ETFA: variants seen among roughly 807,000 people sequenced by gnomAD.
ETFA encodes the protein electron transfer flavoprotein subunit alpha, mitochondrial.
Under a neutral mutation model 46.2 loss-of-function variants are expected in ETFA, and 22 were observed. The observed-to-expected ratio is 0.48, with a 90% confidence interval of 0.34 to 0.68. The LOEUF is 0.68. Ranked by LOEUF, ETFA falls within the 30% of genes least tolerant of loss-of-function variation. The pLI is 0.01. For synonymous variants in ETFA, 131 were observed against 139.9 expected (o/e 0.94, Z 0.45); for missense variants, 345 against 401.1 (o/e 0.86, Z 1.19).
intron 9 of ETFA, among the ~76,000 whole-genome samples, chr15:76,258,418 G>T (rs1248505548): frequency 1.3e-5 from 2 of 152,094 alleles, no homozygotes; most frequent in African/African-American, 4.8e-5. Flanking sequence ...ACTTCTCCTG[G>T]CCTAGACAGG....
chr15:76,302,573 A>G (rs2039890580), intron 1 of ETFA, among the ~76,000 whole-genome samples: 1 of 147,788 alleles, frequency 6.8e-6, no homozygotes, highest in African/African-American at 2.6e-5. Flanking sequence ...CAGTGAAACT[A>G]TTCTGTATGA....
intron 9 of ETFA, among the ~76,000 whole-genome samples, chr15:76,247,678 C>A (rs145750217): frequency 6.6e-6 from 1 of 152,142 alleles, no homozygotes; most frequent in Admixed American, 6.5e-5. Context: ...TTTCTCATTG[C>A]TTATTTACAT....
Position 76,271,943 on chromosome 15 carries a change from T to C in ETFA, c.816+2469A>G, listed in dbSNP as rs539717218. ...CACACACACACACACACACACACCC[T>C]GAGTTAATGAATCAAAATTCTCTCG... is the stretch of plus-strand genomic sequence containing the variant. On this transcript the variant is annotated intron_variant, in intron 9 of 11. Transcript: ENST00000557943. Among the ~76,000 whole-genome samples, 8 of 150,286 alleles carry C rather than the reference T, an allele frequency of 5.3e-5. 1 individual carries two copies. The highest frequency in any genetic ancestry group is 2.0e-4 in the African/African-American group (8 of 40,046).
chr15:76,281,897 C>CTT (rs34309169), intron 8 of ETFA, among the ~76,000 whole-genome samples: 5,129 of 77,916 alleles, frequency 0.066, 280 homozygotes, highest in South Asian at 0.12. Flanking sequence ...TACACGTATC[C>CTT]TTTTTTTTTT....
chr15:76,232,677 T>C (rs74781286), intron 9 of ETFA, among the ~76,000 whole-genome samples: 1 of 152,198 alleles, frequency 6.6e-6, no homozygotes, highest in Non-Finnish European at 1.5e-5. Flanking sequence ...CCTAATGTCA[T>C]GATTTTTCAT....
At chr15:76,295,237 T>C (rs1305350368) in intron 2 of ETFA, among the ~76,000 whole-genome samples, 1 of 152,210 alleles carries the variant, frequency 6.6e-6, no homozygotes, top group African/African-American at 2.4e-5. Flanking sequence ...TGTCCAGATT[T>C]ACCACTTTCA....
intron 4 of ETFA, among the ~76,000 whole-genome samples, chr15:76,289,629 GGAA>G (rs949546401): frequency 6.6e-6 from 1 of 152,060 alleles, no homozygotes; most frequent in Non-Finnish European, 1.5e-5. Context: ...ATGGTTTCTG[GGAA>G]GAAGAAGCAA....
chr15:76,240,589 A>G (rs1406495736), intron 9 of ETFA, among the ~76,000 whole-genome samples: 1 of 152,246 alleles, frequency 6.6e-6, no homozygotes. Flanking sequence ...CAAGGACATT[A>G]ACTATATTGT....
intron 6 of ETFA, 90 bp downstream of exon 6, chr15:76,286,281 A>C (rs537756485): frequency 1.5e-6 from 1 of 679,812 alleles, no homozygotes; most frequent in African/African-American, 1.8e-5. Flanking sequence ...ATTCATTAGA[A>C]ATGTAGGCAG....
chr15:76,261,112 G>T (rs1567207031), intron 9 of ETFA: 1 of 1,514,774 alleles, frequency 6.6e-7, no homozygotes, highest in South Asian at 1.1e-5. Context: ...GAAAACATGG[G>T]TGCTCTGGGT....
At chr15:76,265,278 G>T (rs983272347) in intron 9 of ETFA, among the ~76,000 whole-genome samples, 24 of 152,218 alleles carry the variant, frequency 1.6e-4, no homozygotes, top group African/African-American at 5.8e-4. Context: ...ATACCAGAGA[G>T]ATTCAACTAG....
intron 1 of ETFA, among the ~76,000 whole-genome samples, chr15:76,303,690 TA>T (rs1227209566): frequency 2.6e-5 from 4 of 151,932 alleles, no homozygotes; most frequent in Non-Finnish European, 5.9e-5. Flanking sequence ...AACAAGCATA[TA>T]AAAAAATGCT....
At chr15:76,293,606 G>A (rs1238692188) in intron 2 of ETFA, among the ~76,000 whole-genome samples, 2 of 152,088 alleles carry the variant, frequency 1.3e-5, no homozygotes, top group Admixed American at 6.6e-5. Context: ...TTACCTCATG[G>A]CTGGTTTCCA....
intron 9 of ETFA, chr15:76,261,079 A>C (rs371771039): frequency 0.21 from 315,002 of 1,493,946 alleles, 69 homozygotes; most frequent in Non-Finnish European, 0.24. Context: ...GAGGCCAGGC[A>C]TTTTAGGCTG....
chr15:76,217,426 C>T (rs1213203443), intron 11 of ETFA, among the ~76,000 whole-genome samples: 1 of 152,224 alleles, frequency 6.6e-6, no homozygotes, highest in East Asian at 1.9e-4. Context: ...ATCTGGCACA[C>T]AGAAATGTGC....
In ETFA at chr15:76,241,842, A is replaced by AT. The variant is rs1364405044; in HGVS notation, c.817-10445_817-10444insA. On this transcript the variant is annotated intron_variant, in intron 9 of 11. Transcript: ENST00000557943. ...AAAAAAAAAGTTTATTTGACTATCA[A>AT]ATTTTTTTTTTTTGAGATGGAGTCT... Among the ~76,000 whole-genome samples, 6 of 60,914 alleles carry AT rather than the reference A, an allele frequency of 9.8e-5. No individual in the cohort carries two copies. In the South Asian group the frequency reaches 2.1e-3, roughly 21 times the overall value. The allele number at this position is 60,914 out of a possible 152,430, so 40.0% of individuals were successfully genotyped here.
In ETFA at chr15:76,307,622, G is replaced by A. The variant is rs151209088; in HGVS notation, c.39+3728C>T. ...GTGCCTCAGCCTCCCAAGTAGCTGG[G>A]ACTACAGGTGTGAACCATGGCGCCT... is the stretch of plus-strand genomic sequence containing the variant. On this transcript the variant is annotated intron_variant, in intron 1 of 11. Coordinates refer to ENST00000557943, the MANE Select transcript of ETFA (RefSeq NM_000126.4). Among the ~76,000 whole-genome samples, 46 of 152,132 alleles carry A rather than the reference G, an allele frequency of 3.0e-4. No individual in the cohort carries two copies. In the East Asian group the frequency reaches 8.7e-3, roughly 29 times the overall value.
At chr15:76,288,057 A>C in intron 4 of ETFA, 112 bp from the exon 5 acceptor site, 1 of 754,260 alleles carries the variant, frequency 1.3e-6, no homozygotes, top group South Asian at 1.5e-5. Context: ...TAATTCAAAT[A>C]TTTTATATTT....
At chr15:76,295,363 G>T (rs1441238745) in intron 2 of ETFA, among the ~76,000 whole-genome samples, 1 of 152,174 alleles carries the variant, frequency 6.6e-6, no homozygotes, top group Non-Finnish European at 1.5e-5. Context: ...ACATGATGGT[G>T]CCAGTGGAAC....
Sources: allele counts gnomAD v4.1 joint callset (sites outside exome capture counted in the v4.1 genomes callset), GRCh38; gene constraint gnomAD v4.1.1; transcripts MANE v1.5; gene names NCBI Gene and HGNC (gene_info 2026-07-23, HGNC 2026-07-21).